KHDRBS3: variants seen among roughly 807,000 people sequenced by gnomAD.
KHDRBS3 encodes KH domain-containing, RNA-binding, signal transduction-associated protein 3.
In KHDRBS3, 23 loss-of-function variants were observed where a neutral mutation model predicts 45.6. The observed-to-expected ratio is 0.50, with a 90% CI of 0.36 to 0.72. The LOEUF (loss-of-function observed/expected upper bound fraction) is 0.72, where lower values mean the gene tolerates loss of function less well. KHDRBS3 is among the 30% of genes least tolerant of loss of function. The pLI, the probability that KHDRBS3 is intolerant of heterozygous loss-of-function variation, is 0.00. For synonymous variants in KHDRBS3, 162 were observed against 156.5 expected, an observed-to-expected ratio of 1.04 and a Z score of -0.26; for missense variants, 352 against 424.8, an observed-to-expected ratio of 0.83 and a Z score of 1.51.
chr8:135,519,030 G>C (rs577582010), intron 1 of KHDRBS3, among the ~76,000 whole-genome samples: 2 of 152,038 alleles, frequency 1.3e-5, no homozygotes, highest in Admixed American at 6.5e-5. Flanking sequence ...AATTTTTCAG[G>C]ATCAAAACAT....
chr8:135,555,733 T>C (rs1826845779), intron 4 of KHDRBS3, among the ~76,000 whole-genome samples: 1 of 152,194 alleles, frequency 6.6e-6, no homozygotes, highest in Non-Finnish European at 1.5e-5. Context: ...TTTAAAGATC[T>C]TTTTTAAAAT....
At chr8:135,599,282 G>A (rs1223896721) in intron 6 of KHDRBS3, among the ~76,000 whole-genome samples, 1 of 152,194 alleles carries the variant, frequency 6.6e-6, no homozygotes, top group Non-Finnish European at 1.5e-5. Context: ...TCTTTTTAAT[G>A]AGGCAAACAT....
At chr8:135,464,307 G>A (rs1350155709) in intron 1 of KHDRBS3, among the ~76,000 whole-genome samples, 1 of 152,138 alleles carries the variant, frequency 6.6e-6, no homozygotes, top group African/African-American at 2.4e-5. Context: ...CTCTCCGGCA[G>A]TCTTCAGTAG....
At chr8:135,651,568 A>G (rs1831429453), downstream of KHDRBS3, among the ~76,000 whole-genome samples, 1 of 152,078 alleles carries the variant, frequency 6.6e-6, no homozygotes, top group South Asian at 2.1e-4. Flanking sequence ...ATTCAGTGCA[A>G]CCATTTTCAA....
At chr8:135,517,291 C>G (rs532363743) in intron 1 of KHDRBS3, among the ~76,000 whole-genome samples, 1 of 152,212 alleles carries the variant, frequency 6.6e-6, no homozygotes, top group East Asian at 1.9e-4. Flanking sequence ...AGTCAAATCC[C>G]CTATGCATTC....
At chr8:135,473,103 C>T (rs1051999815) in intron 1 of KHDRBS3, among the ~76,000 whole-genome samples, 28 of 150,082 alleles carry the variant, frequency 1.9e-4, no homozygotes, top group African/African-American at 6.9e-4. Context: ...TCCAGTGATG[C>T]TTACCTGCAT....
chr8:135,554,157 A>G (rs1486060273), intron 4 of KHDRBS3, among the ~76,000 whole-genome samples: 1 of 152,130 alleles, frequency 6.6e-6, no homozygotes, highest in Non-Finnish European at 1.5e-5. Flanking sequence ...TTTCCCTACT[A>G]CACTATTGTT....
intron 1 of KHDRBS3, among the ~76,000 whole-genome samples, chr8:135,480,757 TAA>T (rs773027610): frequency 2.0e-5 from 3 of 152,224 alleles, no homozygotes; most frequent in Non-Finnish European, 2.9e-5. Flanking sequence ...AATTTTATAT[TAA>T]GTTTAATATT....
intron 4 of KHDRBS3, 195 bp downstream of exon 4, chr8:135,549,095 A>G: frequency 8.0e-6 from 3 of 376,484 alleles, no homozygotes; most frequent in Admixed American, 4.5e-5. Flanking sequence ...GAGGTGTTAG[A>G]ATTTCAGGAA....
At chr8:135,526,719 A>G (rs182187197) in intron 2 of KHDRBS3, among the ~76,000 whole-genome samples, 21 of 152,256 alleles carry the variant, frequency 1.4e-4, no homozygotes, top group Admixed American at 9.2e-4. Context: ...AGTGATTTCC[A>G]TTAATTGAAT....
chr8:135,611,803 G>C (rs768258422), intron 7 of KHDRBS3, among the ~76,000 whole-genome samples: 1 of 151,782 alleles, frequency 6.6e-6, no homozygotes, highest in Non-Finnish European at 1.5e-5. Flanking sequence ...AGAAGGCAAG[G>C]TACACAATTC....
intron 1 of KHDRBS3, among the ~76,000 whole-genome samples, chr8:135,489,682 AAAC>A (rs1270600817): frequency 4.6e-5 from 7 of 152,336 alleles, no homozygotes; most frequent in South Asian, 2.1e-4. Context: ...CTCCATCTCA[AAAC>A]AACAACAACA....
intron 5 of KHDRBS3, among the ~76,000 whole-genome samples, chr8:135,563,781 G>A (rs968012821): frequency 1.3e-5 from 2 of 152,168 alleles, no homozygotes; most frequent in Non-Finnish European, 1.5e-5. Flanking sequence ...AGCCGTCCAG[G>A]ATGCTGCCTT....
chr8:135,616,947 A>G lies in KHDRBS3; in HGVS notation c.890+9910A>G, dbSNP rs572040735. The stretch of plus-strand genomic sequence containing the variant: ...AATAATAACTTTTGTATAATTTCTG[A>G]CTTTTAAAATGAGGTAGCATTATTG... On this transcript the variant is annotated intron_variant, in intron 7 of 8. Coordinates refer to ENST00000355849, the MANE Select transcript of KHDRBS3 (RefSeq NM_006558.3). Among the ~76,000 whole-genome samples the G allele has an allele frequency of 1.2e-4, 18 of 152,072 alleles. No individual in the cohort carries two copies. In the South Asian group the frequency reaches 3.1e-3, roughly 26 times the overall value.
intron 2 of KHDRBS3, 181 bp from the exon 3 acceptor site, chr8:135,542,473 T>G (rs1028899528): frequency 2.0e-6 from 1 of 501,216 alleles, no homozygotes; most frequent in African/African-American, 2.0e-5. Context: ...TTTTTTATTT[T>G]ACGTTTAGCC....
At chr8:135,459,002 C>T in intron 1 of KHDRBS3, 2 of 455,564 alleles carry the variant, frequency 4.4e-6, no homozygotes, top group South Asian at 3.1e-5. Context: ...ACTGGTCTGT[C>T]TTTTCTCTGG....
chr8:135,469,537 T>C (rs796852999), intron 1 of KHDRBS3, among the ~76,000 whole-genome samples: 1 of 130,726 alleles, frequency 7.6e-6, no homozygotes, highest in African/African-American at 3.0e-5. Context: ...TTTTTTTTTT[T>C]TTTTTTTTTT....
intron 5 of KHDRBS3, among the ~76,000 whole-genome samples, chr8:135,568,419 A>G (rs1172039642): frequency 6.6e-6 from 1 of 152,000 alleles, no homozygotes; most frequent in African/African-American, 2.4e-5. Flanking sequence ...TAAATGAGTG[A>G]AAAAAAATGT....
At chr8:135,497,343 C>T (rs1176828283) in intron 1 of KHDRBS3, among the ~76,000 whole-genome samples, 3 of 152,210 alleles carry the variant, frequency 2.0e-5, no homozygotes, top group East Asian at 1.9e-4. Context: ...GGAGTATTTC[C>T]GACGAGGAGA....
Sources: allele counts gnomAD v4.1 joint callset (sites outside exome capture counted in the v4.1 genomes callset), GRCh38; gene constraint gnomAD v4.1.1; transcripts MANE v1.5; gene names NCBI Gene and HGNC (gene_info 2026-07-23, HGNC 2026-07-21).